MAST2: variants seen among roughly 807,000 people sequenced by gnomAD.
MAST2 encodes microtubule-associated serine/threonine-protein kinase 2.
MAST2 carries 70 observed loss-of-function variants against 147.4 expected under a neutral mutation model. The ratio of observed to expected loss-of-function variants is 0.47; its 90% CI spans 0.39 to 0.58. MAST2 has a LOEUF of 0.58. MAST2 is among the 20% of genes least tolerant of loss of function. The pLI is 0.00. For synonymous variants in MAST2, 869 were observed against 896.8 expected (o/e 0.97, Z 0.55); for missense variants, 2,080 against 2,302.3 (o/e 0.90, Z 1.98).
chr1:45,898,414 C>G (rs774799642), intron 4 of MAST2, among the ~76,000 whole-genome samples: 19 of 152,226 alleles, frequency 1.2e-4, no homozygotes, highest in Admixed American at 3.3e-4. Flanking sequence ...ATATCTCACT[C>G]TGTCCATTGT....
intron 1 of MAST2, among the ~76,000 whole-genome samples, chr1:45,817,581 G>A (rs909143649): frequency 3.3e-5 from 5 of 152,186 alleles, no homozygotes; most frequent in African/African-American, 9.7e-5. Context: ...GCTAAAGGGA[G>A]TTCTTCAATC....
At position 46,002,045 on chromosome 1, in the gene MAST2, A is replaced by C. The variant is rs529963886; in HGVS notation, c.669-760A>C. Among the ~76,000 whole-genome samples the C allele has an allele frequency of 2.0e-5, 3 of 152,238 alleles. No individual in the cohort carries two copies. In the South Asian group the frequency reaches 6.2e-4, roughly 32 times the overall value. ...AAAGAATCACACGTTCATATTATAA[A>C]AGTTTCAAACTAGATCCCTGCTTGA... On this transcript the variant is annotated intron_variant, in intron 6 of 28. Coordinates refer to ENST00000361297, the MANE Select transcript of MAST2 (RefSeq NM_015112.3).
rs147572405 is a variant in MAST2 at position 45,952,977 on chromosome 1, T to C, written c.501-6409T>C. 1.6e-3 allele frequency among the ~76,000 whole-genome samples: 251 copies of C among 152,304 alleles called. 1 individual carries two copies. The highest frequency in any genetic ancestry group is 2.7e-3 in the Non-Finnish European group (182 of 68,008). On this transcript the variant is annotated intron_variant, in intron 4 of 28. Coordinates refer to ENST00000361297, the MANE Select transcript of MAST2 (RefSeq NM_015112.3). ...TATTGTATAAAATAATAATTACTAATTTGGCAATGTAAAAGTAAGATAGAC... is the reference window on the plus strand; with the variant it reads ...TATTGTATAAAATAATAATTACTAACTTGGCAATGTAAAAGTAAGATAGAC...
At chr1:46,000,703 AC>A (rs1645240337) in intron 6 of MAST2, among the ~76,000 whole-genome samples, 1 of 152,214 alleles carries the variant, frequency 6.6e-6, no homozygotes, top group African/African-American at 2.4e-5. Context: ...ACCCTGCCAA[AC>A]AGAGTATCAG....
At chr1:45,902,976 A>C (rs1650032318) in intron 4 of MAST2, among the ~76,000 whole-genome samples, 1 of 151,800 alleles carries the variant, frequency 6.6e-6, no homozygotes, top group African/African-American at 2.4e-5. Flanking sequence ...TCTCAATATC[A>C]TTTAGTTCTG....
chr1:45,987,776 G>GTTTTTTTTT (rs1644692974), intron 5 of MAST2, among the ~76,000 whole-genome samples: 46 of 30,700 alleles, frequency 1.5e-3, no homozygotes, highest in African/African-American at 2.2e-3. Context: ...TTTTTTTTTT[G>GTTTTTTTTT]ATTTTTTTTT....
rs147508719 is a variant in MAST2 at position 45,960,181 on chromosome 1, A to T, written c.592+704A>T. Among the ~76,000 whole-genome samples, 103 of 152,318 alleles carry T rather than the reference A, an allele frequency of 6.8e-4. 2 individuals are homozygous for T. Among genetic ancestry groups the T allele is most frequent in the South Asian group, 2.9e-3 (14 of 4,824 alleles). On this transcript the variant is annotated intron_variant, in intron 5 of 28. Transcript: ENST00000361297. Reference sequence around the variant, plus strand: ...AATATGGGCTCTTCCCGACAGTATAAGGACTGATTTACATGGCTCTGAAGA... The same window carrying T: ...AATATGGGCTCTTCCCGACAGTATATGGACTGATTTACATGGCTCTGAAGA...
chr1:45,816,357 A>G (rs1644455460), intron 1 of MAST2, among the ~76,000 whole-genome samples: 1 of 152,194 alleles, frequency 6.6e-6, no homozygotes, highest in Non-Finnish European at 1.5e-5. Context: ...GACACTGACA[A>G]ATACCCACAA....
At chr1:45,990,188 A>G (rs577965397) in intron 5 of MAST2, among the ~76,000 whole-genome samples, 5 of 152,338 alleles carry the variant, frequency 3.3e-5, no homozygotes, top group East Asian at 3.9e-4. Flanking sequence ...TTGCATTCCT[A>G]CTAACAATAA....
At chr1:45,891,622 T>C (rs529783373) in intron 4 of MAST2, among the ~76,000 whole-genome samples, 37 of 152,226 alleles carry the variant, frequency 2.4e-4, no homozygotes, top group African/African-American at 8.9e-4. Context: ...ATTGGAAATA[T>C]CTAGTAACCT....
chr1:45,898,203 G>GTC (rs752620186), intron 4 of MAST2, among the ~76,000 whole-genome samples: 1 of 152,140 alleles, frequency 6.6e-6, no homozygotes, highest in Non-Finnish European at 1.5e-5. Context: ...GAATTGTGTA[G>GTC]TCATACTAGC....
intron 10 of MAST2, among the ~76,000 whole-genome samples, chr1:46,013,799 A>G (rs563961079): frequency 5.5e-4 from 84 of 152,318 alleles, no homozygotes; most frequent in African/African-American, 2.0e-3. Context: ...TGTGGTATGC[A>G]TGAACAGCCA....
At chr1:45,868,592 T>C (rs1440634462) in intron 3 of MAST2, among the ~76,000 whole-genome samples, 1 of 152,140 alleles carries the variant, frequency 6.6e-6, no homozygotes, top group East Asian at 1.9e-4. Context: ...AGAGTGTCAT[T>C]GTTTACGGGT....
At chr1:45,807,995 C>T (rs1644189891) in intron 1 of MAST2, among the ~76,000 whole-genome samples, 1 of 152,192 alleles carries the variant, frequency 6.6e-6, no homozygotes, top group Admixed American at 6.5e-5. Flanking sequence ...GATCAGCAAG[C>T]ATCTACATCT....
chr1:45,856,776 C>G (rs1285512514), intron 3 of MAST2, among the ~76,000 whole-genome samples: 1 of 151,030 alleles, frequency 6.6e-6, no homozygotes, highest in Non-Finnish European at 1.5e-5. Flanking sequence ...GAGAAGTTAT[C>G]CTTTAGATCT....
intron 4 of MAST2, among the ~76,000 whole-genome samples, chr1:45,950,822 C>CT (rs923249408): frequency 1.3e-5 from 2 of 152,212 alleles, no homozygotes; most frequent in African/African-American, 4.8e-5. Context: ...TGGCTCACAA[C>CT]TTTCATCTTA....
intron 9 of MAST2, among the ~76,000 whole-genome samples, chr1:46,009,157 C>A (rs1645609425): frequency 6.6e-6 from 1 of 152,198 alleles, no homozygotes; most frequent in South Asian, 2.1e-4. Flanking sequence ...GGGGTTCAGA[C>A]AATTCTCCTG....
chr1:45,967,981 A>G (rs578087101), intron 5 of MAST2, among the ~76,000 whole-genome samples: 2 of 152,320 alleles, frequency 1.3e-5, no homozygotes, highest in Admixed American at 6.5e-5. Flanking sequence ...GCTGTTACAG[A>G]TTAAGCACCC....
chr1:45,849,030 G>A (rs1432904178), intron 3 of MAST2, among the ~76,000 whole-genome samples: 1 of 152,116 alleles, frequency 6.6e-6, no homozygotes, highest in Admixed American at 6.5e-5. Context: ...AACCAGGGAG[G>A]TGCAAGATTT....
Sources: gnomAD v4.1 joint callset for allele counts (sites outside exome capture counted in the v4.1 genomes callset) on GRCh38, gnomAD v4.1.1 for gene constraint, MANE v1.5 for transcripts, NCBI Gene and HGNC (gene_info 2026-07-23, HGNC 2026-07-21) for gene names.